PDCD2: variants seen among roughly 807,000 people sequenced by gnomAD.
PDCD2 encodes the protein programmed cell death 2.
Under a neutral mutation model 38.1 loss-of-function variants are expected in PDCD2, and 38 were observed. The ratio of observed to expected loss-of-function variants is 1.00; its 90% CI spans 0.77 to 1.31. The LOEUF (loss-of-function observed/expected upper bound fraction) is 1.31, where lower values mean the gene tolerates loss of function less well. PDCD2 is among the 50% of genes most tolerant of loss of function. The pLI is 0.00. For missense variants in PDCD2, 473 were observed against 435.7 expected, an observed-to-expected ratio of 1.09 and a Z score of -0.76; for synonymous variants, 205 against 168.9, an observed-to-expected ratio of 1.21 and a Z score of -1.66.
chr6:170,579,951 T>G (rs1562367311), intron 4 of PDCD2, 51 bp downstream of exon 4: 1 of 939,366 alleles, frequency 1.1e-6, no homozygotes, highest in Non-Finnish European at 1.8e-6. Flanking sequence ...ATTATACTCA[T>G]AAAACATGGC....
In PDCD2 at chr6:170,577,273, CAAG is replaced by C. The variant is rs1463231639; in HGVS notation, c.*283_*285del. On this transcript the variant is annotated 3_prime_UTR_variant, in exon 6 of 6. Coordinates refer to ENST00000541970, the MANE Select transcript of PDCD2 (RefSeq NM_002598.4). ...CTGTGCATACATACAAATATTTTTA[CAAG>C]AATAGGATCATACCATGAATACCAC... 3 of 246,368 alleles carry C rather than the reference CAAG, an allele frequency of 1.2e-5. No individual in the cohort carries two copies. Among genetic ancestry groups the C allele is most frequent in the East Asian group, 7.8e-5 (1 of 12,786 alleles). 15.3% of individuals were successfully genotyped at this position (246,368 alleles called of 1,614,324 possible).
Position 170,583,625 on chromosome 6 carries a change from T to C in PDCD2, c.406A>G (p.Arg136Gly), listed in dbSNP as rs1779693998. 1 of 1,613,988 alleles carries C rather than the reference T, an allele frequency of 6.2e-7. No homozygotes were observed. The highest frequency in any genetic ancestry group is 1.3e-5 in the African/African-American group (1 of 74,926). The change falls in exon 2 of 6, where the codon AGG becomes GGG. Residue 136 changes from arginine (R) to glycine (G), a missense_variant. Physicochemically the swap from Arg to Gly is moderately radical, Grantham distance 125. Coordinates refer to ENST00000541970, the MANE Select transcript of PDCD2 (RefSeq NM_002598.4). The stretch of plus-strand genomic sequence containing the variant: ...TTGGGGCCTAAACAGCCACAAACCC[T>C]GCAGAGATGAGCACCAGACTTAAGC... Reference protein sequence around the residue: ...LQLKSGAHLCRVCGCLGPKTC... With the variant: ...LQLKSGAHLCGVCGCLGPKTC...
At chr6:170,579,386 C>T (rs1262260148) in intron 4 of PDCD2, 1 of 163,834 alleles carries the variant, frequency 6.1e-6, no homozygotes. Flanking sequence ...AAAACTACTA[C>T]AAACATAAGT....
At chr6:170,580,797 C>T (rs1229588371) in intron 3 of PDCD2, among the ~76,000 whole-genome samples, 5 of 152,148 alleles carry the variant, frequency 3.3e-5, no homozygotes, top group Non-Finnish European at 7.3e-5. Context: ...CCAACAGACC[C>T]GTGTCTCTAA....
Position 170,583,734 on chromosome 6 carries a change from T to C in PDCD2, c.297A>G (p.Gln99=). 6.2e-7 allele frequency: 1 copy of C among 1,608,702 alleles called. No individual in the cohort carries two copies. Among genetic ancestry groups the C allele is most frequent in the Non-Finnish European group, 8.5e-7 (1 of 1,176,840 alleles). ...AGTAAAAATCGTTTTTCCTGGGTAGTTGATTCCTAAAAACTAAAAAAGAAT... is the reference window on the plus strand; with the variant it reads ...AGTAAAAATCGTTTTTCCTGGGTAGCTGATTCCTAAAAACTAAAAAAGAAT... ...CCAGLRVFRN[Q]LPRKNDFYSY... Residue 99 remains glutamine (Q), a synonymous_variant, in exon 2 of 6, where the codon CAA becomes CAG. Coordinates refer to ENST00000541970, the MANE Select transcript of PDCD2 (RefSeq NM_002598.4).
At position 170,583,644 on chromosome 6, in the gene PDCD2, C is replaced by G; in HGVS notation, c.387G>C (p.Lys129Asn). The G allele has an allele frequency of 6.2e-7, 1 of 1,614,090 alleles. No homozygotes were observed. Among genetic ancestry groups the G allele is most frequent in the Non-Finnish European group, 8.5e-7 (1 of 1,179,984 alleles). Reference sequence around the variant, plus strand: ...AAACCCTGCAGAGATGAGCACCAGACTTAAGCTGGAGACACACTGATTCTC... The same window carrying G: ...AAACCCTGCAGAGATGAGCACCAGAGTTAAGCTGGAGACACACTGATTCTC... ...ETGESVCLQLKSGAHLCRVCG... is the reference protein window; with the variant it reads ...ETGESVCLQLNSGAHLCRVCG... The change falls in exon 2 of 6, where the codon AAG becomes AAC. Residue 129 changes from lysine (K) to asparagine (N), a missense_variant. Transcript: ENST00000541970.
In PDCD2 at chr6:170,576,801, GTC is replaced by G. The variant is rs1779461087; in HGVS notation, c.*756_*757del. ...AGACCATCGCCTTTTGCCTTTCAGTGTCTCATCTGTAAGCAGGGCCGCTGGCT... is the reference window on the plus strand; with the variant it reads ...AGACCATCGCCTTTTGCCTTTCAGTGTCATCTGTAAGCAGGGCCGCTGGCT... On this transcript the variant is annotated 3_prime_UTR_variant, in exon 6 of 6. Coordinates refer to ENST00000541970, the MANE Select transcript of PDCD2 (RefSeq NM_002598.4). 6.6e-6 allele frequency: 1 copy of G among 152,224 alleles called. No individual in the cohort carries two copies. The highest frequency in any genetic ancestry group is 6.5e-5 in the Admixed American group (1 of 15,282). 9.4% of individuals were successfully genotyped at this position (152,224 alleles called of 1,614,324 possible). A position where few individuals can be genotyped will look rare whatever the true frequency, so the allele number is the denominator to read the frequency against.
In PDCD2 at chr6:170,584,417, G is replaced by C. The variant is rs1170487858; in HGVS notation, c.165C>G (p.Gly55=). 7.1e-7 allele frequency: 1 copy of C among 1,411,726 alleles called. No individual in the cohort carries two copies. The highest frequency in any genetic ancestry group is 1.6e-5 in the South Asian group (1 of 60,856). The allele number at this position is 1,411,726 out of a possible 1,614,324, so 87.4% of individuals were successfully genotyped here. A position where few individuals can be genotyped will look rare whatever the true frequency, so the allele number is the denominator to read the frequency against. Residue 55 remains glycine (G), a synonymous_variant, in exon 1 of 6, where the codon GGC becomes GGG. Transcript: ENST00000541970. ...CCTGCAGCAGGAAGGAGAGCGGGCG[G>C]CCGCACAGCTCGCAGGCCAGGGCCT... is the stretch of plus-strand genomic sequence containing the variant. ...GPQALACELC[G]RPLSFLLQVY...
Position 170,580,102 on chromosome 6 carries a change from T to G in PDCD2, c.662A>C (p.Glu221Ala), listed in dbSNP as rs917342588. ...DYSEIIGSMG[E>A]ALEEELDSMA... ...GGAATCCAGTTCTTCCTCAAGTGCTTCACCTGAAAAATCAACGTAACTATT... is the reference window on the plus strand; with the variant it reads ...GGAATCCAGTTCTTCCTCAAGTGCTGCACCTGAAAAATCAACGTAACTATT... The change falls in exon 4 of 6, where the codon GAA becomes GCA. Residue 221 changes from glutamate (E) to alanine (A), a missense_variant. Coordinates refer to ENST00000541970, the MANE Select transcript of PDCD2 (RefSeq NM_002598.4). 1.9e-6 allele frequency: 3 copies of G among 1,591,884 alleles called. No individual in the cohort carries two copies. The highest frequency in any genetic ancestry group is 2.6e-6 in the Non-Finnish European group (3 of 1,161,022).
At chr6:170,577,822 C>G in intron 5 of PDCD2, 105 bp from the exon 6 acceptor site, 1 of 1,004,182 alleles carries the variant, frequency 1.0e-6, no homozygotes, top group East Asian at 2.6e-5. Context: ...AATCCTCATA[C>G]TACAAAGCAG....
Position 170,577,478 on chromosome 6 carries a change from T to C in PDCD2, c.*81A>G. On this transcript the variant is annotated 3_prime_UTR_variant, in exon 6 of 6. Coordinates refer to ENST00000541970, the MANE Select transcript of PDCD2 (RefSeq NM_002598.4). The stretch of plus-strand genomic sequence containing the variant: ...TCTGCACCTCTATTTTTGGTATAAG[T>C]ATTTCCTTAGGATAAAATCCCAGAA... The C allele has an allele frequency of 8.3e-7, 1 of 1,207,652 alleles. No individual in the cohort carries two copies. The allele number at this position is 1,207,652 out of a possible 1,614,324, so 74.8% of individuals were successfully genotyped here.
chr6:170,582,063 A>T, intron 3 of PDCD2: 1 of 1,471,816 alleles, frequency 6.8e-7, no homozygotes, highest in Non-Finnish European at 9.0e-7. Context: ...AAGCATTTTC[A>T]TTATGTATCA....
rs1014179014 is a variant in PDCD2 at position 170,583,200 on chromosome 6, A to G, written c.527-12T>C. On this transcript the variant is annotated splice_polypyrimidine_tract_variant and intron_variant, in intron 2 of 5. Transcript: ENST00000541970. ...ATGGTCCAGATGATCTGAAACAAAA[A>G]GGACAGCACTATTAGTAATCATTTA... 6.5e-7 allele frequency: 1 copy of G among 1,538,178 alleles called. No homozygotes were observed. The highest frequency in any genetic ancestry group is 8.9e-7 in the Non-Finnish European group (1 of 1,119,450).
chr6:170,580,040 G>A lies in PDCD2; in HGVS notation c.724C>T (p.Gln242Ter), dbSNP rs763802273. The change falls in exon 4 of 6, where the codon CAG (glutamine) becomes TAG (stop). Residue 242 changes from glutamine to a stop codon, truncating the protein, a stop_gained. Transcript: ENST00000541970. LOFTEE classifies it high-confidence loss of function. ...KHESREDKIFQKFKTQIALEP... is the reference protein window; with the variant it reads ...KHESREDKIF ...AGGGCTATCTGAGTTTTAAACTTCT[G>A]AAAAATTTTATCTTCCCTGGATTCA... 3.7e-6 allele frequency: 6 copies of A among 1,611,134 alleles called. No individual in the cohort carries two copies. The African/African-American group carries it at 8.0e-5, about 22-fold the overall frequency.
chr6:170,584,498 G>A lies in PDCD2; in HGVS notation c.84C>T (p.Pro28=), dbSNP rs371862236. The change falls in exon 1 of 6, where the codon CCC becomes CCT. Residue 28 remains proline (P), a synonymous_variant. Coordinates refer to ENST00000541970, the MANE Select transcript of PDCD2 (RefSeq NM_002598.4). ...PAWRLRSEQF[P]SKVGGRPAWL... ...ATGCCGGCCGCCCGCCCACCTTGCT[G>A]GGGAACTGCTCGCTGCGCAGTCGCC... 63 of 1,357,030 alleles carry A rather than the reference G, an allele frequency of 4.6e-5. No individual in the cohort carries two copies. The highest frequency in any genetic ancestry group is 5.8e-5 in the Non-Finnish European group (61 of 1,057,850). 84.1% of individuals were successfully genotyped at this position (1,357,030 alleles called of 1,614,324 possible).
chr6:170,584,443 G>C lies in PDCD2; in HGVS notation c.139C>G (p.Gln47Glu). The C allele has an allele frequency of 1.5e-6, 2 of 1,334,288 alleles. No individual in the cohort carries two copies. Among genetic ancestry groups the C allele is most frequent in the South Asian group, 2.1e-5 (1 of 47,844 alleles). The allele number at this position is 1,334,288 out of a possible 1,614,324, so 82.7% of individuals were successfully genotyped here. Residue 47 changes from glutamine to glutamate, a missense_variant, in exon 1 of 6, where the codon CAG becomes GAG. Gln to Glu is a conservative substitution (Grantham distance 29). Coordinates refer to ENST00000541970, the MANE Select transcript of PDCD2 (RefSeq NM_002598.4). ...WLGAAGLPGPQALACELCGRP... is the reference protein window; with the variant it reads ...WLGAAGLPGPEALACELCGRP... ...CCGCACAGCTCGCAGGCCAGGGCCTGGGGCCCCGGCAGCCCGGCCGCGCCC... is the reference window on the plus strand; with the variant it reads ...CCGCACAGCTCGCAGGCCAGGGCCTCGGGCCCCGGCAGCCCGGCCGCGCCC...
chr6:170,577,797 G>C (rs549789194), intron 5 of PDCD2, 80 bp from the exon 6 acceptor site: 27 of 1,340,746 alleles, frequency 2.0e-5, no homozygotes, highest in Admixed American at 4.0e-5. Flanking sequence ...ATGATTATAG[G>C]GATCTTGGTC....
At chr6:170,584,150 G>T in intron 1 of PDCD2, 149 bp downstream of exon 1, 1 of 859,790 alleles carries the variant, frequency 1.2e-6, no homozygotes, top group African/African-American at 1.8e-5. Flanking sequence ...GAAGGGCCCG[G>T]GAGAAGGTGC....
chr6:170,583,778 TTCAAAC>T (rs766777542), intron 1 of PDCD2, 31 bp from the exon 2 acceptor site: 38 of 1,540,948 alleles, frequency 2.5e-5, no homozygotes, highest in Non-Finnish European at 3.3e-5. Flanking sequence ...AAGTTTTATC[TTCAAAC>T]AAAACAGCAA....
Sources: gnomAD v4.1 joint callset for allele counts (sites outside exome capture counted in the v4.1 genomes callset) on GRCh38, gnomAD v4.1.1 for gene constraint, MANE v1.5 for transcripts, NCBI Gene and HGNC (gene_info 2026-07-23, HGNC 2026-07-21) for gene names.